Variants in TNKS observed in about 807,000 individuals in gnomAD.
TNKS encodes tankyrase.
In TNKS, 72 loss-of-function variants were observed where a neutral mutation model predicts 135.8. That is an observed-to-expected ratio of 0.53 (90% CI 0.44 to 0.64). TNKS has a LOEUF of 0.64. Ranked by LOEUF, TNKS falls within the 30% of genes least tolerant of loss-of-function variation. The pLI, the probability that TNKS is intolerant of heterozygous loss-of-function variation, is 0.00. For synonymous variants in TNKS, 849 were observed against 649.3 expected (o/e 1.31, Z -4.68); for missense variants, 1,769 against 1,674.0 (o/e 1.06, Z -0.99).
chr8:9,668,603 G>C (rs1191088879), intron 3 of TNKS, among the ~76,000 whole-genome samples: 2 of 152,234 alleles, frequency 1.3e-5, no homozygotes, highest in African/African-American at 2.4e-5. Context: ...ACTGGAATCT[G>C]TGCCCTTTGA....
intron 1 of TNKS, chr8:9,557,070 C>A: frequency 5.3e-6 from 1 of 188,872 alleles, no homozygotes. Flanking sequence ...CTTAATAACC[C>A]AATGAAAGAC....
chr8:9,723,083 T>G (rs2128813608), intron 12 of TNKS, among the ~76,000 whole-genome samples: 1 of 151,818 alleles, frequency 6.6e-6, no homozygotes, highest in South Asian at 2.1e-4. Context: ...ACTTTTTAGT[T>G]TAATTCTTTA....
At chr8:9,758,697 T>A (rs1806980647) in intron 20 of TNKS, among the ~76,000 whole-genome samples, 1 of 152,216 alleles carries the variant, frequency 6.6e-6, no homozygotes. Flanking sequence ...TGGGACCCGC[T>A]TTCAAGCTCT....
At position 9,748,298 on chromosome 8, in the gene TNKS, G is replaced by T. The variant is rs959710912; in HGVS notation, c.2832+86G>T. ...TCTCGGGTTCACCAGCTTACTTTTA[G>T]TCGTGTTTATTTCACTTAGAACAGA... is the stretch of plus-strand genomic sequence containing the variant. On this transcript the variant is annotated intron_variant, in intron 18 of 26. Coordinates refer to ENST00000310430, the MANE Select transcript of TNKS (RefSeq NM_003747.3). 2.2e-5 allele frequency: 27 copies of T among 1,201,036 alleles called. No individual in the cohort carries two copies. In the East Asian group the frequency reaches 8.2e-4, roughly 36 times the overall value. 74.4% of individuals were successfully genotyped at this position (1,201,036 alleles called of 1,614,324 possible).
rs1378263681 is a variant in TNKS at position 9,776,651 on chromosome 8, C to A, written c.3899C>A (p.Ala1300Glu). Reference sequence around the variant, plus strand: ...TGTTTTTCTTCTTGTCCTTCCCAGGCATACCCAGAGTATCTTATCACTTAC... The same window carrying A: ...TGTTTTTCTTCTTGTCCTTCCCAGGAATACCCAGAGTATCTTATCACTTAC... ...AEYVIYRGEQ[A>E]YPEYLITYQI... Residue 1300 changes from alanine to glutamate, a missense_variant and splice_region_variant, in exon 27 of 27, where the codon GCA (alanine) becomes GAA (glutamate). This residue lies in a region of TNKS where 722 missense variants were observed against 688.9 expected (regional missense o/e 1.05). Coordinates refer to ENST00000310430, the MANE Select transcript of TNKS (RefSeq NM_003747.3). The A allele has an allele frequency of 6.2e-7, 1 of 1,613,866 alleles. No homozygotes were observed. The highest frequency in any genetic ancestry group is 2.2e-5 in the East Asian group (1 of 44,878).
At position 9,770,855 on chromosome 8, in the gene TNKS, G is replaced by A. The variant is rs1333340464; in HGVS notation, c.3897+593G>A. Reference sequence around the variant, plus strand: ...TAGTAAATGTGTTGATGGAGATACCGTGGGCAAAACAGTGAAACTCTTAAG... The same window carrying A: ...TAGTAAATGTGTTGATGGAGATACCATGGGCAAAACAGTGAAACTCTTAAG... On this transcript the variant is annotated intron_variant, in intron 26 of 26. Coordinates refer to ENST00000310430, the MANE Select transcript of TNKS (RefSeq NM_003747.3). Among the ~76,000 whole-genome samples, 7 of 152,132 alleles carry A rather than the reference G, an allele frequency of 4.6e-5. No individual in the cohort carries two copies. In the South Asian group the frequency reaches 6.2e-4, roughly 13 times the overall value.
At chr8:9,702,225 C>T (rs529792616) in intron 5 of TNKS, among the ~76,000 whole-genome samples, 2 of 152,186 alleles carry the variant, frequency 1.3e-5, no homozygotes, top group Admixed American at 1.3e-4. Context: ...GAAATCATAG[C>T]TAAAAATTTT....
chr8:9,602,642 A>C (rs1019538453), intron 2 of TNKS, among the ~76,000 whole-genome samples: 7 of 152,260 alleles, frequency 4.6e-5, no homozygotes, highest in African/African-American at 1.7e-4. Context: ...CAAGAATGTC[A>C]GTAGTTCAAA....
At chr8:9,699,154 A>T (rs1026417122) in intron 5 of TNKS, among the ~76,000 whole-genome samples, 8 of 152,258 alleles carry the variant, frequency 5.3e-5, no homozygotes, top group African/African-American at 1.7e-4. Flanking sequence ...TACAACCATC[A>T]TCAAATTACG....
rs570233227 is a variant in TNKS, at chr8:9,751,395, A to G, written c.2833-214A>G. On this transcript the variant is annotated intron_variant, in intron 18 of 26. Transcript: ENST00000310430. ...CTTTTTTTTAAATGAAAGAAGAAAT[A>G]TCTTTAAAAATTACATAGTTTCTCC... is the stretch of plus-strand genomic sequence containing the variant. 7.9e-5 allele frequency among the ~76,000 whole-genome samples: 12 copies of G among 152,326 alleles called. No homozygotes were observed. The South Asian group carries it at 2.3e-3, about 29-fold the overall frequency.
chr8:9,569,949 A>AT (rs1301301665), intron 1 of TNKS, among the ~76,000 whole-genome samples: 2 of 151,572 alleles, frequency 1.3e-5, no homozygotes, highest in East Asian at 1.9e-4. Flanking sequence ...ATTGCCTTAA[A>AT]TTTTTTTTGT....
intron 2 of TNKS, among the ~76,000 whole-genome samples, chr8:9,600,825 C>G (rs995398099): frequency 6.6e-6 from 1 of 152,066 alleles, no homozygotes; most frequent in Admixed American, 6.6e-5. Flanking sequence ...GACTAAAACC[C>G]TGGAATTTTT....
intron 23 of TNKS, among the ~76,000 whole-genome samples, chr8:9,765,353 T>G (rs919229124): frequency 6.6e-6 from 1 of 151,942 alleles, no homozygotes; most frequent in African/African-American, 2.4e-5. Flanking sequence ...GGAACTTTTT[T>G]AAAAAAAATA....
intron 26 of TNKS, chr8:9,772,570 C>G (rs144755949): frequency 2.5e-4 from 90 of 364,410 alleles, no homozygotes; most frequent in African/African-American, 1.8e-3. Context: ...AGTTAACCTT[C>G]TGCCCCCAAC....
intron 2 of TNKS, among the ~76,000 whole-genome samples, chr8:9,598,765 G>GTATATATATA (rs71201956): frequency 3.6e-4 from 18 of 49,596 alleles, no homozygotes; most frequent in Non-Finnish European, 6.1e-4. Context: ...ATGTGTGTGT[G>GTATATATATA]TATATATATA....
chr8:9,659,514 A>G (rs997288078), intron 3 of TNKS, among the ~76,000 whole-genome samples: 10 of 152,256 alleles, frequency 6.6e-5, no homozygotes, highest in African/African-American at 2.2e-4. Flanking sequence ...GAAGGCAGAA[A>G]TAAAGATGTT....
At chr8:9,728,348 A>G (rs936597249) in intron 13 of TNKS, among the ~76,000 whole-genome samples, 5 of 152,244 alleles carry the variant, frequency 3.3e-5, no homozygotes, top group Non-Finnish European at 7.3e-5. Context: ...AAAAGTAAGT[A>G]GGAAGGATGT....
At chr8:9,729,298 C>G (rs1196663402) in intron 13 of TNKS, among the ~76,000 whole-genome samples, 1 of 152,088 alleles carries the variant, frequency 6.6e-6, no homozygotes, top group Non-Finnish European at 1.5e-5. Context: ...ACATTCAACC[C>G]GTAGCACTCC....
At position 9,693,664 on chromosome 8, in the gene TNKS, G is replaced by A. The variant is rs115235969; in HGVS notation, c.1108-10999G>A. 4.7e-3 allele frequency among the ~76,000 whole-genome samples: 717 copies of A among 152,188 alleles called. 11 individuals are homozygous for A. The highest frequency in any genetic ancestry group is 0.016 in the African/African-American group (681 of 41,530). On this transcript the variant is annotated intron_variant, in intron 5 of 26. Transcript: ENST00000310430. ...GTGAAGCCAGACCTGGACACAGAAA[G>A]ATGCAGGAAGTTAAAAAAAATTACA...
Sources: allele counts gnomAD v4.1 joint callset (sites outside exome capture counted in the v4.1 genomes callset), GRCh38; gene constraint gnomAD v4.1.1; regional missense constraint gnomAD v4.1.1; transcripts MANE v1.5; gene names NCBI Gene and HGNC (gene_info 2026-07-23, HGNC 2026-07-21).